PALM2AKAP2: variants seen among roughly 807,000 people sequenced by gnomAD.
PALM2AKAP2 encodes the protein PALM2-AKAP2 fusion protein.
In PALM2AKAP2, 37 loss-of-function variants were observed where a neutral mutation model predicts 71.5. The observed-to-expected ratio is 0.52, with a 90% CI of 0.40 to 0.68. The LOEUF is 0.68. Ranked by LOEUF, PALM2AKAP2 falls within the 30% of genes least tolerant of loss-of-function variation. The pLI is 0.00. For synonymous variants in PALM2AKAP2, 468 were observed against 478.8 expected, an observed-to-expected ratio of 0.98 and a Z score of 0.29; for missense variants, 1,224 against 1,191.8, an observed-to-expected ratio of 1.03 and a Z score of -0.40.
intron 1 of PALM2AKAP2, among the ~76,000 whole-genome samples, chr9:109,813,617 A>C (rs1362932360): frequency 2.0e-5 from 3 of 152,110 alleles, no homozygotes; most frequent in Admixed American, 6.5e-5. Flanking sequence ...ATGGGTCTTG[A>C]AGTAGAACCT....
chr9:109,910,195 C>T (rs984719137), intron 3 of PALM2AKAP2, among the ~76,000 whole-genome samples: 3 of 152,202 alleles, frequency 2.0e-5, no homozygotes, highest in African/African-American at 7.2e-5. Flanking sequence ...GAGGTGAAGA[C>T]AACATCTAGG....
intron 7 of PALM2AKAP2, among the ~76,000 whole-genome samples, chr9:110,039,290 T>C (rs1833472691): frequency 1.3e-5 from 2 of 152,284 alleles, no homozygotes; most frequent in South Asian, 4.1e-4. Context: ...TAATATACAA[T>C]CTATCCTCTT....
intron 1 of PALM2AKAP2, among the ~76,000 whole-genome samples, chr9:109,654,028 A>G (rs76062955): frequency 0.03 from 4,532 of 152,344 alleles, 109 homozygotes; most frequent in Middle Eastern, 0.068. Context: ...TATATGAGAT[A>G]GATAAATGCA....
intron 1 of PALM2AKAP2, among the ~76,000 whole-genome samples, chr9:109,810,805 G>A (rs1306809787): frequency 1.3e-5 from 2 of 152,176 alleles, no homozygotes; most frequent in East Asian, 1.9e-4. Flanking sequence ...GGAAGCACTT[G>A]AGTTGGGAAA....
At chr9:110,052,786 C>T (rs1331792117) in intron 1 of PALM2AKAP2, among the ~76,000 whole-genome samples, 2 of 152,018 alleles carry the variant, frequency 1.3e-5, no homozygotes, top group Admixed American at 6.6e-5. Flanking sequence ...ATTGACAGTT[C>T]GGGATTTTGT....
intron 1 of PALM2AKAP2, among the ~76,000 whole-genome samples, chr9:109,701,931 G>A (rs1263793393): frequency 6.6e-6 from 1 of 152,034 alleles, no homozygotes; most frequent in Non-Finnish European, 1.5e-5. Context: ...GTGGGCAAAG[G>A]ATATGAACAG....
intron 5 of PALM2AKAP2, among the ~76,000 whole-genome samples, chr9:109,925,827 T>G (rs1035589520): frequency 6.6e-6 from 1 of 152,174 alleles, no homozygotes; most frequent in African/African-American, 2.4e-5. Context: ...ATTCCTACTT[T>G]CATTTGGCCC....
Position 109,943,033 on chromosome 9 carries a change from A to G in PALM2AKAP2, c.496+11005A>G, listed in dbSNP as rs1831412823. ...TAAGTTAGAAATGGTACATAAGTCT[A>G]GGAAAGACCATTCTTCCGGGAACCC... On this transcript the variant is annotated intron_variant, in intron 6 of 9. Transcript: ENST00000302798. 3.7e-6 allele frequency: 6 copies of G among 1,614,118 alleles called. No individual in the cohort carries two copies. The Admixed American group carries it at 5.0e-5, about 13-fold the overall frequency.
chr9:109,831,772 G>A (rs1357293843), intron 1 of PALM2AKAP2, among the ~76,000 whole-genome samples: 1 of 152,120 alleles, frequency 6.6e-6, no homozygotes, highest in African/African-American at 2.4e-5. Flanking sequence ...CTCTGATGGG[G>A]CAACTATTTA....
At chr9:109,757,546 A>G (rs1828982463) in intron 1 of PALM2AKAP2, among the ~76,000 whole-genome samples, 1 of 152,026 alleles carries the variant, frequency 6.6e-6, no homozygotes, top group East Asian at 1.9e-4. Flanking sequence ...GCATTGCACA[A>G]CTCCAAGGAG....
chr9:109,889,522 TG>T (rs1830039472), intron 3 of PALM2AKAP2, among the ~76,000 whole-genome samples: 1 of 152,216 alleles, frequency 6.6e-6, no homozygotes, highest in Admixed American at 6.5e-5. Flanking sequence ...ACCCTCTCTC[TG>T]GTCCCTGCCC....
chr9:110,025,273 G>A (rs539509896), intron 7 of PALM2AKAP2: 43 of 1,150,784 alleles, frequency 3.7e-5, no homozygotes, highest in East Asian at 9.3e-5. Flanking sequence ...TCGCATATAC[G>A]TGGCCAAAGG....
intron 6 of PALM2AKAP2, among the ~76,000 whole-genome samples, chr9:110,014,806 GTATATATA>G (rs34408706): frequency 0.11 from 4,483 of 41,528 alleles, 604 homozygotes; most frequent in Middle Eastern, 0.14. Context: ...AAAAAAAAAT[GTATATATA>G]TATATATATA....
intron 1 of PALM2AKAP2, among the ~76,000 whole-genome samples, chr9:109,748,107 G>A (rs953328184): frequency 6.6e-6 from 1 of 152,168 alleles, no homozygotes; most frequent in African/African-American, 2.4e-5. Flanking sequence ...TTATATGTAT[G>A]TTTGGTTTAT....
At chr9:110,001,691 G>A (rs535277650) in intron 6 of PALM2AKAP2, among the ~76,000 whole-genome samples, 4 of 152,152 alleles carry the variant, frequency 2.6e-5, no homozygotes, top group African/African-American at 9.6e-5. Flanking sequence ...TGATTTCATT[G>A]AGCAGTGGTT....
intron 6 of PALM2AKAP2, among the ~76,000 whole-genome samples, chr9:109,954,530 G>T (rs1831708387): frequency 7.7e-6 from 1 of 130,582 alleles, no homozygotes; most frequent in Non-Finnish European, 1.6e-5. Context: ...AGGGGGGAGG[G>T]ATAGCATTGG....
chr9:109,949,930 C>T lies in PALM2AKAP2; in HGVS notation c.496+17902C>T, dbSNP rs149862051. 2.0e-3 allele frequency among the ~76,000 whole-genome samples: 302 copies of T among 152,152 alleles called. 3 individuals carry two copies. The highest frequency in any genetic ancestry group is 6.8e-3 in the African/African-American group (281 of 41,494). The stretch of plus-strand genomic sequence containing the variant: ...GTGCATTTGAGAAATATATATGAAA[C>T]GGTGAGTCAGAGCCCTCTGACCATC... On this transcript the variant is annotated intron_variant, in intron 6 of 9. Coordinates refer to the PALM2AKAP2 transcript ENST00000302798.
chr9:109,648,976 C>A (rs993488337), intron 1 of PALM2AKAP2, among the ~76,000 whole-genome samples: 1 of 152,134 alleles, frequency 6.6e-6, no homozygotes, highest in Non-Finnish European at 1.5e-5. Context: ...CTGGCATTGA[C>A]CCTTGCTCTG....
Position 109,823,418 on chromosome 9 carries a change from T to C in PALM2AKAP2, c.45+42885T>C, listed in dbSNP as rs144553992. Among the ~76,000 whole-genome samples the C allele has an allele frequency of 2.4e-4, 36 of 152,322 alleles. 1 individual carries two copies. The East Asian group carries it at 5.8e-3, about 24-fold the overall frequency. ...TCATGGCTTCACCATTAAACAACTC[T>C]AGAGTCTTAAACAAGTTCTTAGCCT... On this transcript the variant is annotated intron_variant, in intron 1 of 9. Transcript: ENST00000302798.
Sources: gnomAD v4.1 joint callset for allele counts (sites outside exome capture counted in the v4.1 genomes callset) on GRCh38, gnomAD v4.1.1 for gene constraint, MANE v1.5 for transcripts, NCBI Gene and HGNC (gene_info 2026-07-23, HGNC 2026-07-21) for gene names.